The following DNAJA4 variants were observed in gnomAD, a reference collection of about 807,000 sequenced individuals.
DNAJA4 encodes dnaJ homolog subfamily A member 4.
DNAJA4 carries 32 observed loss-of-function variants against 39.7 expected under a neutral mutation model. That is an observed-to-expected ratio of 0.81 (90% CI 0.61 to 1.08). The LOEUF (loss-of-function observed/expected upper bound fraction) is 1.08, where lower values mean the gene tolerates loss of function less well. Ranked by LOEUF, DNAJA4 falls within the 50% of genes least tolerant of loss-of-function variation. The probability of loss-of-function intolerance (pLI) is 0.00; values close to 1 mark genes in which losing one functional copy is unlikely to be tolerated. For missense variants in DNAJA4, 439 were observed against 505.1 expected (o/e 0.87, Z 1.25); for synonymous variants, 184 against 182.4 (o/e 1.01, Z -0.07).
chr15:78,269,213 G>A (rs1435875888), intron 1 of DNAJA4, among the ~76,000 whole-genome samples: 3 of 152,210 alleles, frequency 2.0e-5, no homozygotes, highest in Non-Finnish European at 4.4e-5. Flanking sequence ...TTGAGCAGAG[G>A]ATCGACCCAA....
chr15:78,271,579 C>CA (rs1278732745), intron 2 of DNAJA4, among the ~76,000 whole-genome samples: 2 of 152,208 alleles, frequency 1.3e-5, no homozygotes, highest in Non-Finnish European at 2.9e-5. Flanking sequence ...TGAGTAGTAG[C>CA]AACTTCATCC....
chr15:78,266,392 G>A, intron 1 of DNAJA4: 1 of 1,073,858 alleles, frequency 9.3e-7, no homozygotes, highest in East Asian at 2.5e-5. Flanking sequence ...CTACATATGT[G>A]TAGGTTTCAC....
Position 78,279,946 on chromosome 15 carries a change from A to T in DNAJA4, c.878-99A>T. ...TGCCACGTTTCCTTTGCCCACTGCCACGGGGCACTAGGGCCTGCCGCAGGC... is the reference window on the plus strand; with the variant it reads ...TGCCACGTTTCCTTTGCCCACTGCCTCGGGGCACTAGGGCCTGCCGCAGGC... On this transcript the variant is annotated intron_variant, in intron 5 of 6. Transcript: ENST00000394852. This position sits in a 1 kb window ranked among gnomAD's most constrained non-coding sequence, Gnocchi z 4.5. The T allele has an allele frequency of 8.8e-7, 1 of 1,136,982 alleles. No individual in the cohort carries two copies. The highest frequency in any genetic ancestry group is 1.3e-6 in the Non-Finnish European group (1 of 781,512). 70.4% of individuals were successfully genotyped at this position (1,136,982 alleles called of 1,614,324 possible).
At chr15:78,275,266 G>A (rs532965302) in intron 4 of DNAJA4, 3 of 531,300 alleles carry the variant, frequency 5.6e-6, no homozygotes, top group South Asian at 5.0e-5. Context: ...ATGTAGAGCC[G>A]CATTCCCCCA....
In DNAJA4 at chr15:78,281,677, A is replaced by T. The variant is rs2049662830; in HGVS notation, c.*1217A>T. ...CATTACTGCTTATTTCTTTTCCCCA[A>T]GTCACAAAAAACTTGTAAGCTGCTG... On this transcript the variant is annotated 3_prime_UTR_variant, in exon 7 of 7. Coordinates refer to ENST00000394852, the MANE Select transcript of DNAJA4 (RefSeq NM_001130182.2). The T allele has an allele frequency of 6.6e-6, 1 of 152,224 alleles. No individual in the cohort carries two copies. Among genetic ancestry groups the T allele is most frequent in the African/African-American group, 2.4e-5 (1 of 41,456 alleles). The allele number at this position is 152,224 out of a possible 1,614,324, so 9.4% of individuals were successfully genotyped here.
At chr15:78,268,561 G>A (rs953618007) in intron 1 of DNAJA4, among the ~76,000 whole-genome samples, 1 of 151,938 alleles carries the variant, frequency 6.6e-6, no homozygotes, top group Non-Finnish European at 1.5e-5. Context: ...TTATTTCATG[G>A]CACTTTTTTT....
Position 78,281,173 on chromosome 15 carries a change from C to G in DNAJA4, c.*713C>G, listed in dbSNP as rs535351681. ...CTGATAACTGTTTGCCTGTGACCCT[C>G]ACACCTTGTTCTTCAGGGTTTTAAT... is the stretch of plus-strand genomic sequence containing the variant. On this transcript the variant is annotated 3_prime_UTR_variant, in exon 7 of 7. Coordinates refer to ENST00000394852, the MANE Select transcript of DNAJA4 (RefSeq NM_001130182.2). 6.5e-6 allele frequency: 1 copy of G among 152,798 alleles called. No homozygotes were observed. Among genetic ancestry groups the G allele is most frequent in the South Asian group, 2.1e-4 (1 of 4,830 alleles). The allele number at this position is 152,798 out of a possible 1,614,324, so 9.5% of individuals were successfully genotyped here.
At chr15:78,267,723 A>G (rs935498167) in intron 1 of DNAJA4, among the ~76,000 whole-genome samples, 1 of 152,186 alleles carries the variant, frequency 6.6e-6, no homozygotes, top group Non-Finnish European at 1.5e-5. Flanking sequence ...ACATTATCCT[A>G]ACCACTCTGT....
chr15:78,264,320 C>A, upstream of DNAJA4: 1 of 1,405,612 alleles, frequency 7.1e-7, no homozygotes, highest in Admixed American at 3.2e-5. Context: ...CGCCATGGCC[C>A]GGGGCGGCAG....
At chr15:78,268,412 C>CTT (rs1179745911) in intron 1 of DNAJA4, among the ~76,000 whole-genome samples, 1 of 152,098 alleles carries the variant, frequency 6.6e-6, no homozygotes, top group Non-Finnish European at 1.5e-5. Context: ...ATGCTGATGT[C>CTT]TTTTTAAGAC....
At chr15:78,270,167 C>T (rs937485279) in intron 1 of DNAJA4, 1 of 203,178 alleles carries the variant, frequency 4.9e-6, no homozygotes, top group Admixed American at 5.5e-5. Context: ...AGGTTCACCC[C>T]TGGCACTGTC....
chr15:78,276,222 T>C (rs544901124), intron 5 of DNAJA4, among the ~76,000 whole-genome samples: 2 of 152,366 alleles, frequency 1.3e-5, no homozygotes, highest in South Asian at 4.1e-4. Flanking sequence ...TGATTTGTGC[T>C]GATTCATCCA....
At chr15:78,280,017 C>G (rs9806426) in intron 5 of DNAJA4, 28 bp from the exon 6 acceptor site, 1,583,155 of 1,604,502 alleles carry the variant, frequency 0.99, 781,211 homozygotes, top group East Asian at 1. Flanking sequence ...CTGCCTTCCT[C>G]CTTCCTAATT....
chr15:78,275,524 T>C lies in DNAJA4; in HGVS notation c.673T>C (p.Phe225Leu). 6.2e-7 allele frequency: 1 copy of C among 1,614,028 alleles called. No individual in the cohort carries two copies. The part of the protein sequence containing the change: ...KGMKDGQKIL[F>L]HGEGDQEPEL... ...TATGAAAGATGGGCAAAAGATACTA[T>C]TTCATGGAGAAGGAGATCAGGAGCC... Residue 225 changes from phenylalanine (F) to leucine (L), a missense_variant, in exon 5 of 7, where the codon TTT (phenylalanine) becomes CTT (leucine). Coordinates refer to ENST00000394852, the MANE Select transcript of DNAJA4 (RefSeq NM_001130182.2).
chr15:78,277,812 A>G (rs917605023), intron 5 of DNAJA4: 1 of 350,658 alleles, frequency 2.9e-6, no homozygotes, highest in Non-Finnish European at 5.6e-6. Context: ...CCCAGAGGGA[A>G]GGAAGTGGCA....
intron 5 of DNAJA4, 40 bp from the exon 6 acceptor site, chr15:78,280,005 C>G: frequency 6.3e-7 from 1 of 1,596,732 alleles, no homozygotes; most frequent in Non-Finnish European, 8.6e-7. Flanking sequence ...CTGCAGGCCC[C>G]TCTGCCTTCC....
rs568522577 is a variant in DNAJA4, at chr15:78,280,138, A to G, written c.971A>G (p.Gln324Arg). 2 of 1,614,150 alleles carry G rather than the reference A, an allele frequency of 1.2e-6. No homozygotes were observed. Among genetic ancestry groups the G allele is most frequent in the African/African-American group, 1.3e-5 (1 of 75,050 alleles). ...CTGGAAAAAGGGATTCTGATCATAC[A>G]GTTTTTAGTAAGTTCACTATGTTTC... ...APLEKGILIIQFLVIFPEKHW... is the reference protein window; with the variant it reads ...APLEKGILIIRFLVIFPEKHW... Residue 324 changes from glutamine to arginine, a missense_variant, in exon 6 of 7, where the codon CAG (glutamine) becomes CGG (arginine). Transcript: ENST00000394852.
At chr15:78,275,057 T>C (rs2049411381) in intron 4 of DNAJA4, 1 of 182,092 alleles carries the variant, frequency 5.5e-6, no homozygotes, top group Admixed American at 5.4e-5. Context: ...ACAGGTGTTA[T>C]TAAAGGACTT....
At chr15:78,277,302 C>T (rs2049494901) in intron 5 of DNAJA4, among the ~76,000 whole-genome samples, 1 of 152,202 alleles carries the variant, frequency 6.6e-6, no homozygotes, top group Non-Finnish European at 1.5e-5. Flanking sequence ...GGGACAGCCA[C>T]ATGCCACCAC....
Sources: gnomAD v4.1 joint callset for allele counts (sites outside exome capture counted in the v4.1 genomes callset) on GRCh38, gnomAD v4.1.1 for gene constraint, Gnocchi (gnomAD v3.1) non-coding constraint, MANE v1.5 for transcripts, NCBI Gene and HGNC (gene_info 2026-07-23, HGNC 2026-07-21) for gene names.